ARHGEF33: variants seen among roughly 807,000 people sequenced by gnomAD.
The protein encoded by ARHGEF33 is Rho guanine nucleotide exchange factor 33.
ARHGEF33 carries 72 observed loss-of-function variants against 101.9 expected under a neutral mutation model. The ratio of observed to expected loss-of-function variants is 0.71; its 90% CI spans 0.58 to 0.86. The LOEUF (loss-of-function observed/expected upper bound fraction) is 0.86, where lower values mean the gene tolerates loss of function less well. Ranked by LOEUF, ARHGEF33 falls within the 40% of genes least tolerant of loss-of-function variation. The pLI is 0.00. For synonymous variants in ARHGEF33, 499 were observed against 442.5 expected (o/e 1.13, Z -1.60); for missense variants, 1,169 against 1,111.3 (o/e 1.05, Z -0.74).
Position 38,904,748 on chromosome 2 carries a change from C to T in ARHGEF33, c.-86+8899C>T, listed in dbSNP as rs1051733436. 9.4e-5 allele frequency among the ~76,000 whole-genome samples: 14 copies of T among 148,628 alleles called. No homozygotes were observed. In the South Asian group the frequency reaches 1.5e-3, roughly 16 times the overall value. On this transcript the variant is annotated intron_variant, in intron 2 of 17. Transcript: ENST00000409978. ...GGAAAAGAAGAAAAAGAAAAGAAAA[C>T]GCCTATTGCAGTTTTTGAGCAGGAA...
At chr2:38,894,241 A>G (rs1218879661) in intron 1 of ARHGEF33, among the ~76,000 whole-genome samples, 1 of 152,012 alleles carries the variant, frequency 6.6e-6, no homozygotes, top group African/African-American at 2.4e-5. Flanking sequence ...CTGAGGCAGG[A>G]GGATTGCTAG....
intron 2 of ARHGEF33, among the ~76,000 whole-genome samples, chr2:38,906,124 G>T (rs1177817125): frequency 1.3e-5 from 2 of 149,476 alleles, no homozygotes; most frequent in African/African-American, 4.9e-5. Context: ...CCAAGATTGT[G>T]CCAAGATTGA....
intron 2 of ARHGEF33, among the ~76,000 whole-genome samples, chr2:38,903,816 A>G (rs1379533056): frequency 6.6e-6 from 1 of 152,102 alleles, no homozygotes; most frequent in Non-Finnish European, 1.5e-5. Flanking sequence ...TTCTCCTTTA[A>G]TCTCTACATC....
intron 10 of ARHGEF33, among the ~76,000 whole-genome samples, chr2:38,946,560 A>G (rs1667456373): frequency 6.6e-6 from 1 of 152,086 alleles, no homozygotes; most frequent in South Asian, 2.1e-4. Context: ...TTAGATTTTC[A>G]TTATCCTCCT....
In ARHGEF33 at chr2:38,921,392, C is replaced by G. The variant is rs560510193; in HGVS notation, c.44C>G (p.Pro15Arg). The G allele has an allele frequency of 6.5e-7, 1 of 1,545,488 alleles. No homozygotes were observed. The highest frequency in any genetic ancestry group is 8.8e-7 in the Non-Finnish European group (1 of 1,141,492). ...KTKQGENEHM[P>R]VNNPSTQIYQ... ...CCTGCAGGAGAGAATGAACATATGC[C>G]GGTGAATAATCCTTCCACGCAGATT... is the stretch of plus-strand genomic sequence containing the variant. The change falls in exon 4 of 18, where the codon CCG becomes CGG. Residue 15 changes from proline to arginine, a missense_variant. By Grantham distance (103) the Pro-to-Arg change is moderately radical. Coordinates refer to ENST00000409978, the MANE Select transcript of ARHGEF33 (RefSeq NM_001145451.5).
intron 15 of ARHGEF33, 113 bp from the exon 16 acceptor site, chr2:38,959,728 A>G (rs1667864166): frequency 1.7e-6 from 2 of 1,172,028 alleles, no homozygotes; most frequent in South Asian, 3.4e-5. Flanking sequence ...GGAGCTCGGG[A>G]GGTGGCATGC....
At position 38,943,817 on chromosome 2, in the gene ARHGEF33, C is replaced by A. The variant is rs409240; in HGVS notation, c.791-84C>A. ...TTTTTTTTTTATTGCTTTCAATATC[C>A]TTTTATCACTTTTATTGCTTGCATT... On this transcript the variant is annotated intron_variant, in intron 9 of 17. Coordinates refer to ENST00000409978, the MANE Select transcript of ARHGEF33 (RefSeq NM_001145451.5). 5.4e-3 allele frequency: 7,361 copies of A among 1,352,390 alleles called. 331 individuals carry two copies. In the African/African-American group the frequency reaches 0.099, roughly 18 times the overall value. The allele number at this position is 1,352,390 out of a possible 1,614,324, so 83.8% of individuals were successfully genotyped here.
chr2:38,972,888 T>C (rs1317898627), intron 17 of ARHGEF33: 1 of 152,190 alleles, frequency 6.6e-6, no homozygotes, highest in Non-Finnish European at 1.5e-5. Context: ...TGCATGAGGT[T>C]TTTTGATATT....
intron 6 of ARHGEF33, among the ~76,000 whole-genome samples, chr2:38,930,394 C>T (rs534820945): frequency 2.0e-5 from 3 of 150,826 alleles, no homozygotes; most frequent in South Asian, 4.2e-4. Flanking sequence ...CTGTTGCCCA[C>T]GCTGGAGTAG....
At chr2:38,969,177 G>C (rs1668116017) in intron 17 of ARHGEF33, among the ~76,000 whole-genome samples, 4 of 152,162 alleles carry the variant, frequency 2.6e-5, no homozygotes, top group Admixed American at 2.0e-4. Flanking sequence ...GAGACATTCA[G>C]CCCATTTTCC....
intron 2 of ARHGEF33, among the ~76,000 whole-genome samples, chr2:38,898,470 C>A (rs1350801921): frequency 1.3e-5 from 2 of 152,160 alleles, no homozygotes; most frequent in African/African-American, 2.4e-5. Flanking sequence ...TCCAGATGGG[C>A]CACGTGACTT....
In ARHGEF33 at chr2:38,972,072, G is replaced by GA. The variant is rs527759658; in HGVS notation, c.2484-1641dup. On this transcript the variant is annotated intron_variant, in intron 17 of 17. Transcript: ENST00000409978. ...AAGTTTTGAGTAATGACTTTCTGATGAGAAACTGTCCTGTGGGGGAACAAG... is the reference window on the plus strand; with the variant it reads ...AAGTTTTGAGTAATGACTTTCTGATGAAGAAACTGTCCTGTGGGGGAACAAG... The GA allele has an allele frequency of 5.8e-4, 389 of 669,306 alleles. 1 individual carries two copies. The highest frequency in any genetic ancestry group is 1.7e-3 in the South Asian group (99 of 59,448). 41.5% of individuals were successfully genotyped at this position (669,306 alleles called of 1,614,324 possible).
chr2:38,954,136 G>T (rs975711601), intron 12 of ARHGEF33, among the ~76,000 whole-genome samples: 2 of 152,212 alleles, frequency 1.3e-5, no homozygotes, highest in African/African-American at 4.8e-5. Flanking sequence ...GGGTAGTTTG[G>T]AAATTTGGGT....
At chr2:38,929,102 A>G in intron 5 of ARHGEF33, 31 bp downstream of exon 5, 1 of 1,528,484 alleles carries the variant, frequency 6.5e-7, no homozygotes, top group Non-Finnish European at 8.8e-7. Flanking sequence ...CCTGCTGACA[A>G]GAGAATTTTG....
At position 38,894,549 on chromosome 2, in the gene ARHGEF33, C is replaced by G. The variant is rs115919953; in HGVS notation, c.-158-1228C>G. ...GCAGTCTAGTGCTGTTAGATGAGTT[C>G]CTTAGTGAGAGGCCCCCAGGTTCCT... On this transcript the variant is annotated intron_variant, in intron 1 of 17. Transcript: ENST00000409978. Among the ~76,000 whole-genome samples, 451 of 152,280 alleles carry G rather than the reference C, an allele frequency of 3.0e-3. 4 individuals are homozygous for G. Among genetic ancestry groups the G allele is most frequent in the Middle Eastern group, 0.01 (3 of 294 alleles).
intron 4 of ARHGEF33, among the ~76,000 whole-genome samples, chr2:38,923,771 A>T (rs1229768320): frequency 2.0e-5 from 3 of 152,206 alleles, no homozygotes; most frequent in Admixed American, 6.5e-5. Flanking sequence ...CTTTGGAAAA[A>T]GAGAAGAGAT....
chr2:38,894,980 A>T (rs1170831324), intron 1 of ARHGEF33, among the ~76,000 whole-genome samples: 1 of 152,228 alleles, frequency 6.6e-6, no homozygotes, highest in African/African-American at 2.4e-5. Flanking sequence ...ATTAAAGGAA[A>T]AAAAGAGGAA....
intron 16 of ARHGEF33, among the ~76,000 whole-genome samples, chr2:38,964,500 CATT>C (rs1189672771): frequency 2.0e-5 from 3 of 151,446 alleles, no homozygotes; most frequent in South Asian, 2.1e-4. Flanking sequence ...GCATTAGCAT[CATT>C]GTCTCAGCTC....
In ARHGEF33 at chr2:38,921,436, C is replaced by G; in HGVS notation, c.75+13C>G. 1.3e-6 allele frequency: 2 copies of G among 1,518,548 alleles called. No individual in the cohort carries two copies. The highest frequency in any genetic ancestry group is 1.8e-6 in the Non-Finnish European group (2 of 1,116,700). 94.1% of individuals were successfully genotyped at this position (1,518,548 alleles called of 1,614,324 possible). A position where few individuals can be genotyped will look rare whatever the true frequency, so the allele number is the denominator to read the frequency against. ...GCAGATTTACCAGGTAAAGACAAAT[C>G]GATTGTTTCAAATGCTCCCATGTAT... On this transcript the variant is annotated intron_variant, in intron 4 of 17. Transcript: ENST00000409978.
Sources: gnomAD v4.1 joint callset for allele counts (sites outside exome capture counted in the v4.1 genomes callset) on GRCh38, gnomAD v4.1.1 for gene constraint, MANE v1.5 for transcripts, NCBI Gene and HGNC (gene_info 2026-07-23, HGNC 2026-07-21) for gene names.